The following HS1BP3 variants were observed in gnomAD, a reference collection of about 807,000 sequenced individuals.
The protein encoded by HS1BP3 is HCLS1 binding protein 3.
In HS1BP3, 32 loss-of-function variants were observed where a neutral mutation model predicts 33.5. That is an observed-to-expected ratio of 0.95 (90% CI 0.72 to 1.28). The LOEUF (loss-of-function observed/expected upper bound fraction) is 1.28, where lower values mean the gene tolerates loss of function less well. Among genes scored for constraint, HS1BP3 ranks in the 50% most tolerant of loss-of-function variants. HS1BP3 has a pLI of 0.00. For missense variants in HS1BP3, 486 were observed against 502.3 expected, an observed-to-expected ratio of 0.97 and a Z score of 0.31; for synonymous variants, 187 against 209.2, an observed-to-expected ratio of 0.89 and a Z score of 0.92.
At chr2:20,579,974 G>A (rs1558321165) in intron 5 of HS1BP3, among the ~76,000 whole-genome samples, 1 of 152,214 alleles carries the variant, frequency 6.6e-6, no homozygotes, top group Admixed American at 6.5e-5. Context: ...AAATGTAAGT[G>A]AAAATGTTTT....
chr2:20,629,222 C>T (rs1169108825), intron 4 of HS1BP3, among the ~76,000 whole-genome samples: 1 of 152,146 alleles, frequency 6.6e-6, no homozygotes, highest in African/African-American at 2.4e-5. Flanking sequence ...GCACAAACAC[C>T]TCAGGGTTGT....
intron 5 of HS1BP3, among the ~76,000 whole-genome samples, chr2:20,563,653 C>T (rs1441853014): frequency 2.6e-5 from 4 of 152,248 alleles, no homozygotes; most frequent in Non-Finnish European, 2.9e-5. Context: ...ATTTGGACTT[C>T]GTTCTGCTTC....
intron 4 of HS1BP3, among the ~76,000 whole-genome samples, chr2:20,632,125 T>A (rs1029251192): frequency 6.6e-6 from 1 of 152,216 alleles, no homozygotes; most frequent in Non-Finnish European, 1.5e-5. Flanking sequence ...GCTTCTGGAT[T>A]CCCCATGCCA....
chr2:20,626,052 A>G (rs1438140142), intron 4 of HS1BP3, among the ~76,000 whole-genome samples: 1 of 152,192 alleles, frequency 6.6e-6, no homozygotes, highest in African/African-American at 2.4e-5. Context: ...CACTGGACTG[A>G]GGTCACTATG....
chr2:20,555,966 A>G (rs1294871393), downstream of HS1BP3, among the ~76,000 whole-genome samples: 1 of 152,134 alleles, frequency 6.6e-6, no homozygotes, highest in African/African-American at 2.4e-5. Flanking sequence ...AGACTTCACA[A>G]TATATTGAGT....
chr2:20,587,391 G>C (rs1263071017), intron 5 of HS1BP3, among the ~76,000 whole-genome samples: 1 of 152,210 alleles, frequency 6.6e-6, no homozygotes, highest in African/African-American at 2.4e-5. Context: ...CTGTGGCAGG[G>C]AGAGCAAGAC....
chr2:20,599,609 AACACAC>A (rs59149167), intron 2 of HS1BP3, among the ~76,000 whole-genome samples: 3,812 of 136,216 alleles, frequency 0.028, 167 homozygotes, highest in African/African-American at 0.091. Flanking sequence ...CTTCTTGTGT[AACACAC>A]ACACACACAC....
Position 20,644,637 on chromosome 2 carries a change from G to A in HS1BP3, c.198+703C>T, listed in dbSNP as rs138963341. Among the ~76,000 whole-genome samples, 183 of 152,300 alleles carry A rather than the reference G, an allele frequency of 1.2e-3. 1 individual carries two copies. The highest frequency in any genetic ancestry group is 9.3e-3 in the South Asian group (45 of 4,828). ...TCTCCCTTTCCCTTCCATACCAAGT[G>A]CAACTGGCCTGCTCCAAGCCCTTGA... is the stretch of plus-strand genomic sequence containing the variant. On this transcript the variant is annotated intron_variant, in intron 2 of 6. Transcript: ENST00000304031.
chr2:20,624,046 C>A lies in HS1BP3; in HGVS notation c.785-15G>T, dbSNP rs776382432. On this transcript the variant is annotated splice_polypyrimidine_tract_variant and intron_variant, in intron 5 of 6. Transcript: ENST00000304031. ...TAGCTTCAGGGCTGTGGGAAGGCAG[C>A]AGCAGGGGGGTCAGAGGAAGCCTCT... The A allele has an allele frequency of 3.7e-6, 6 of 1,610,098 alleles. No individual in the cohort carries two copies. The highest frequency in any genetic ancestry group is 2.2e-5 in the East Asian group (1 of 44,828).
chr2:20,596,496 A>G (rs963978443), intron 3 of HS1BP3, among the ~76,000 whole-genome samples: 8 of 152,178 alleles, frequency 5.3e-5, no homozygotes, highest in African/African-American at 1.7e-4. Context: ...ACATGGTGAG[A>G]AGACAGCAAT....
chr2:20,623,050 T>A (rs1356732330), intron 6 of HS1BP3: 1 of 152,626 alleles, frequency 6.6e-6, no homozygotes, highest in Non-Finnish European at 1.5e-5. Context: ...GGCACAGTCC[T>A]GTGTCCTGGA....
At chr2:20,588,586 G>A (rs1052583867), downstream of HS1BP3, among the ~76,000 whole-genome samples, 1 of 152,102 alleles carries the variant, frequency 6.6e-6, no homozygotes, top group Non-Finnish European at 1.5e-5. Flanking sequence ...TCCCAAAGCC[G>A]ATTTTTCTGG....
chr2:20,555,817 T>C (rs1194383169), downstream of HS1BP3, among the ~76,000 whole-genome samples: 1 of 152,156 alleles, frequency 6.6e-6, no homozygotes, highest in Non-Finnish European at 1.5e-5. Context: ...GCAATGGGCT[T>C]CTTGATCTTA....
In HS1BP3 at chr2:20,638,610, G is replaced by A. The variant is rs144795225; in HGVS notation, c.449C>T (p.Ser150Phe). Residue 150 changes from serine to phenylalanine, a missense_variant, in exon 4 of 7, where the codon TCC becomes TTC. By Grantham distance (155) the Ser-to-Phe change is radical. Transcript: ENST00000304031. ...ACTGTCTGTGCCATCCAGGACAGAG[G>A]AATCTCTGCTGGTGAGCCCTGCAGC... ...PGAAGLTSRD[S>F]SVLDGTDSQT... The A allele has an allele frequency of 6.2e-7, 1 of 1,614,072 alleles. No individual in the cohort carries two copies. The highest frequency in any genetic ancestry group is 8.5e-7 in the Non-Finnish European group (1 of 1,180,026).
At chr2:20,610,722 A>C (rs565138276) in intron 2 of HS1BP3, among the ~76,000 whole-genome samples, 2 of 152,148 alleles carry the variant, frequency 1.3e-5, no homozygotes, top group South Asian at 4.2e-4. Context: ...ATAAGTTTTA[A>C]CTCCTTTGGG....
chr2:20,621,117 C>T (rs917347028), intron 6 of HS1BP3, among the ~76,000 whole-genome samples: 20 of 152,222 alleles, frequency 1.3e-4, no homozygotes, highest in Middle Eastern at 3.2e-3. Context: ...TCATGAGCAG[C>T]GGCTTCTTGC....
intron 3 of HS1BP3, among the ~76,000 whole-genome samples, chr2:20,595,685 C>T (rs1000830): frequency 0.032 from 4,805 of 152,286 alleles, 253 homozygotes; most frequent in African/African-American, 0.11. Flanking sequence ...CTGACTCTTC[C>T]GTGACATAAA....
chr2:20,588,871 G>A (rs1693744209), downstream of HS1BP3, among the ~76,000 whole-genome samples: 1 of 152,250 alleles, frequency 6.6e-6, no homozygotes, highest in South Asian at 2.1e-4. Context: ...GTCCCAGGCT[G>A]AGGCAGGCTC....
At chr2:20,632,391 A>G (rs1694996608) in intron 4 of HS1BP3, among the ~76,000 whole-genome samples, 1 of 152,222 alleles carries the variant, frequency 6.6e-6, no homozygotes, top group African/African-American at 2.4e-5. Context: ...CACCCATGTC[A>G]TCAAAAACCG....
Sources: gnomAD v4.1 joint callset for allele counts (sites outside exome capture counted in the v4.1 genomes callset) on GRCh38, gnomAD v4.1.1 for gene constraint, MANE v1.5 for transcripts, NCBI Gene and HGNC (gene_info 2026-07-23, HGNC 2026-07-21) for gene names.